ASTN2: variants seen among roughly 807,000 people sequenced by gnomAD.
ASTN2 encodes astrotactin-2.
ASTN2 carries 54 observed loss-of-function variants against 139.8 expected under a neutral mutation model. The ratio of observed to expected loss-of-function variants is 0.39; its 90% CI spans 0.31 to 0.48. The LOEUF (loss-of-function observed/expected upper bound fraction) is 0.48. Ranked by LOEUF, ASTN2 falls within the 20% of genes least tolerant of loss-of-function variation. The pLI, the probability that ASTN2 is intolerant of heterozygous loss-of-function variation, is 0.95. For missense variants in ASTN2, 1,565 were observed against 1,725.1 expected, an observed-to-expected ratio of 0.91 and a Z score of 1.64; for synonymous variants, 756 against 719.5, an observed-to-expected ratio of 1.05 and a Z score of -0.81.
In ASTN2 at chr9:116,888,248, T is replaced by C. The variant is rs1833667887; in HGVS notation, c.1890-24515A>G. ...TCATACCACTGCACTCCAGCCTGAGTGACACAATGAGACCTTGTCTCAAGA... is the reference window on the plus strand; with the variant it reads ...TCATACCACTGCACTCCAGCCTGAGCGACACAATGAGACCTTGTCTCAAGA... On this transcript the variant is annotated intron_variant, in intron 10 of 22. Coordinates refer to ENST00000313400, the MANE Select transcript of ASTN2 (RefSeq NM_001365068.1). Among the ~76,000 whole-genome samples, 3 of 151,916 alleles carry C rather than the reference T, an allele frequency of 2.0e-5. No homozygotes were observed. In the South Asian group the frequency reaches 6.2e-4, roughly 32 times the overall value.
chr9:116,440,772 T>A lies in ASTN2; in HGVS notation c.3619A>T (p.Asn1207Tyr). 1 of 1,613,766 alleles carries A rather than the reference T, an allele frequency of 6.2e-7. No individual in the cohort carries two copies. The highest frequency in any genetic ancestry group is 8.5e-7 in the Non-Finnish European group (1 of 1,179,740). The change falls in exon 22 of 23, where the codon AAT becomes TAT. Residue 1207 changes from asparagine to tyrosine, a missense_variant. Asn to Tyr is a moderately radical substitution (Grantham distance 143, BLOSUM62 -2). Transcript: ENST00000313400. ...CCACTTGTGTACCCATTGTACAGAT[T>A]GTAGATCTTGTCAGCTATTTCTGAG... ...KAEEIADKIYNLYNGYTSGKE... is the reference protein window; with the variant it reads ...KAEEIADKIYYLYNGYTSGKE...
chr9:116,598,071 C>G (rs1035425204), intron 19 of ASTN2, among the ~76,000 whole-genome samples: 5 of 152,156 alleles, frequency 3.3e-5, no homozygotes, highest in Non-Finnish European at 7.3e-5. Context: ...CCTTTTCCCA[C>G]TGGGGTAGGT....
At chr9:117,166,410 G>T (rs1371574855) in intron 3 of ASTN2, among the ~76,000 whole-genome samples, 3 of 152,004 alleles carry the variant, frequency 2.0e-5, no homozygotes, top group Non-Finnish European at 4.4e-5. Context: ...TAATTTATCT[G>T]TCTAAAGACT....
intron 7 of ASTN2, among the ~76,000 whole-genome samples, chr9:116,993,841 T>C (rs1308292508): frequency 8.6e-6 from 1 of 115,896 alleles, no homozygotes; most frequent in Admixed American, 1.2e-4. Flanking sequence ...ATACTTTATA[T>C]AGTATGTACA....
intron 20 of ASTN2, among the ~76,000 whole-genome samples, chr9:116,474,972 C>T (rs1348302626): frequency 2.0e-5 from 3 of 152,154 alleles, no homozygotes; most frequent in Non-Finnish European, 2.9e-5. Flanking sequence ...AGTCAGAAGT[C>T]AGGATTCCCA....
At chr9:117,030,531 A>G (rs1428926521) in intron 6 of ASTN2, among the ~76,000 whole-genome samples, 2 of 152,172 alleles carry the variant, frequency 1.3e-5, no homozygotes, top group African/African-American at 4.8e-5. Flanking sequence ...CCAAGCTAAC[A>G]TCTTAGCACA....
chr9:117,020,131 G>T (rs909176153), intron 6 of ASTN2, among the ~76,000 whole-genome samples: 3 of 151,274 alleles, frequency 2.0e-5, no homozygotes, highest in African/African-American at 7.3e-5. Flanking sequence ...AATATCCTAG[G>T]AATAGGAAAG....
chr9:116,586,569 T>G (rs929843410), intron 19 of ASTN2, among the ~76,000 whole-genome samples: 1 of 152,104 alleles, frequency 6.6e-6, no homozygotes, highest in African/African-American at 2.4e-5. Context: ...GTGTTCTCAC[T>G]TATAAGTGGG....
chr9:116,974,884 T>A (rs1836301705), intron 10 of ASTN2, among the ~76,000 whole-genome samples: 1 of 152,198 alleles, frequency 6.6e-6, no homozygotes, highest in Non-Finnish European at 1.5e-5. Flanking sequence ...CATCCCATTT[T>A]CTAAATTTTT....
intron 5 of ASTN2, among the ~76,000 whole-genome samples, chr9:117,045,604 C>G (rs1352616121): frequency 1.3e-5 from 2 of 152,114 alleles, no homozygotes; most frequent in Non-Finnish European, 2.9e-5. Flanking sequence ...CACACATTGC[C>G]TATAATTTGG....
At chr9:117,306,985 A>G (rs1835016450) in intron 1 of ASTN2, among the ~76,000 whole-genome samples, 1 of 152,184 alleles carries the variant, frequency 6.6e-6, no homozygotes, top group Non-Finnish European at 1.5e-5. Flanking sequence ...TGGCATTGGG[A>G]ACATTGGGAG....
intron 3 of ASTN2, among the ~76,000 whole-genome samples, chr9:117,165,439 G>T (rs1367910538): frequency 6.6e-6 from 1 of 152,078 alleles, no homozygotes; most frequent in Non-Finnish European, 1.5e-5. Flanking sequence ...CAAAGTGCTT[G>T]AGTGGAGCCC....
At chr9:117,291,585 C>G in intron 1 of ASTN2, 72 bp from the exon 2 acceptor site, 1 of 1,432,644 alleles carries the variant, frequency 7.0e-7, no homozygotes, top group Non-Finnish European at 9.4e-7. Flanking sequence ...GAAAAGAGCC[C>G]ACATAATCAG....
At chr9:117,339,802 C>T (rs1309321776) in intron 1 of ASTN2, among the ~76,000 whole-genome samples, 1 of 151,834 alleles carries the variant, frequency 6.6e-6, no homozygotes, top group Non-Finnish European at 1.5e-5. Context: ...AGCACACATA[C>T]CACTCAGCTA....
chr9:116,984,447 C>T (rs944322), intron 7 of ASTN2, among the ~76,000 whole-genome samples: 2 of 151,932 alleles, frequency 1.3e-5, no homozygotes, highest in Admixed American at 1.3e-4. Flanking sequence ...CTCCCTGTGA[C>T]TTTTATGCTC....
At chr9:117,282,627 C>T (rs4568671) in intron 2 of ASTN2, among the ~76,000 whole-genome samples, 57,167 of 137,870 alleles carry the variant, frequency 0.41, 13,213 homozygotes, top group East Asian at 0.56. Flanking sequence ...GTGCTTTGGC[C>T]GATAGAATGT....
chr9:116,460,179 T>A (rs560272669), intron 20 of ASTN2, among the ~76,000 whole-genome samples: 1 of 152,164 alleles, frequency 6.6e-6, no homozygotes, highest in Non-Finnish European at 1.5e-5. Flanking sequence ...ATTCCACTTA[T>A]ATGAAATGTC....
rs552186483 is a variant in ASTN2 at position 117,412,547 on chromosome 9, C to G, written c.442+1950G>C. ...GGCAAAGATTGTCAGTTCCAGGAATCCCGGGGCACCTATACAGATGGTTGG... is the reference window on the plus strand; with the variant it reads ...GGCAAAGATTGTCAGTTCCAGGAATGCCGGGGCACCTATACAGATGGTTGG... On this transcript the variant is annotated intron_variant, in intron 1 of 22. Coordinates refer to ENST00000313400, the MANE Select transcript of ASTN2 (RefSeq NM_001365068.1). Among the ~76,000 whole-genome samples the G allele has an allele frequency of 1.2e-4, 18 of 152,312 alleles. No individual in the cohort carries two copies. In the South Asian group the frequency reaches 3.1e-3, roughly 26 times the overall value.
chr9:116,962,403 C>T (rs1417108607), intron 10 of ASTN2, among the ~76,000 whole-genome samples: 1 of 152,170 alleles, frequency 6.6e-6, no homozygotes, highest in Admixed American at 6.5e-5. Flanking sequence ...TCAAAAGATG[C>T]CCCATAGGAA....
Sources: gnomAD v4.1 joint callset for allele counts (sites outside exome capture counted in the v4.1 genomes callset) on GRCh38, gnomAD v4.1.1 for gene constraint, MANE v1.5 for transcripts, NCBI Gene and HGNC (gene_info 2026-07-23, HGNC 2026-07-21) for gene names.